Variants in AACS observed in about 807,000 individuals in gnomAD.
AACS encodes acetoacetate-CoA ligase.
AACS carries 69 observed loss-of-function variants against 83.1 expected under a neutral mutation model. The ratio of observed to expected loss-of-function variants is 0.83; its 90% CI spans 0.68 to 1.01. The LOEUF is 1.01. Ranked by LOEUF, AACS falls within the 50% of genes least tolerant of loss-of-function variation. The pLI is 0.00. For missense variants in AACS, 866 were observed against 882.2 expected, an observed-to-expected ratio of 0.98 and a Z score of 0.23; for synonymous variants, 333 against 343.4, an observed-to-expected ratio of 0.97 and a Z score of 0.33.
chr12:125,118,409 G>T (rs1270825982), intron 9 of AACS: 2 of 538,776 alleles, frequency 3.7e-6, no homozygotes, highest in Non-Finnish European at 3.3e-6. Flanking sequence ...ACCAGCAAGG[G>T]TGCAACAGAC....
rs750203376 is a variant in AACS, at chr12:125,118,764, G to A, written c.1120G>A (p.Gly374Ser). ...NVLWDLVDRI[G>S]ITVLVTGAKW... is the part of the protein sequence containing the mutation. ...GCTCTGGGACCTGGTTGACAGGATAGGGTAGGTACCAAGATGCTGTGCTCA... is the reference window on the plus strand; with the variant it reads ...GCTCTGGGACCTGGTTGACAGGATAAGGTAGGTACCAAGATGCTGTGCTCA... Residue 374 changes from glycine (G) to serine (S), a missense_variant and splice_region_variant, in exon 10 of 18, where the codon GGC becomes AGC. By Grantham distance (56) the Gly-to-Ser change is moderately conservative. Transcript: ENST00000316519. 1.2e-5 allele frequency: 20 copies of A among 1,613,880 alleles called. No individual in the cohort carries two copies. The highest frequency in any genetic ancestry group is 1.7e-5 in the Non-Finnish European group (20 of 1,179,928).
intron 1 of AACS, among the ~76,000 whole-genome samples, chr12:125,066,176 C>T (rs1050402790): frequency 2.0e-5 from 3 of 152,304 alleles, no homozygotes; most frequent in African/African-American, 7.2e-5. Context: ...CCCTCATCTC[C>T]AGCTGCCCCT....
At chr12:125,075,066 C>G (rs1955988220) in intron 2 of AACS, among the ~76,000 whole-genome samples, 1 of 150,048 alleles carries the variant, frequency 6.7e-6, no homozygotes, top group South Asian at 2.1e-4. Context: ...CCTTCAACTC[C>G]CTGGTTCAAG....
chr12:125,098,644 G>T (rs1314976098), intron 5 of AACS, among the ~76,000 whole-genome samples: 1 of 152,152 alleles, frequency 6.6e-6, no homozygotes, highest in Non-Finnish European at 1.5e-5. Flanking sequence ...TAGAGATGGG[G>T]TTTCACCATG....
chr12:125,101,762 CTTTTTTTTT>C (rs11407276), intron 5 of AACS: 3 of 104,184 alleles, frequency 2.9e-5, no homozygotes, highest in African/African-American at 1.2e-4. Context: ...CTTTGATCAA[CTTTTTTTTT>C]TTTTTTTTTT....
chr12:125,114,956 C>T (rs1181348120), intron 9 of AACS, among the ~76,000 whole-genome samples: 6 of 152,026 alleles, frequency 3.9e-5, no homozygotes, highest in East Asian at 1.9e-4. Flanking sequence ...GCCTGTGCTG[C>T]GCCGTGGTAG....
chr12:125,083,358 C>G (rs1222727538), intron 3 of AACS, among the ~76,000 whole-genome samples: 1 of 152,192 alleles, frequency 6.6e-6, no homozygotes, highest in East Asian at 1.9e-4. Flanking sequence ...GCTCAGAAGT[C>G]ATTGTCATTT....
At chr12:125,070,715 T>C (rs1955838773) in intron 1 of AACS, among the ~76,000 whole-genome samples, 1 of 152,174 alleles carries the variant, frequency 6.6e-6, no homozygotes, top group East Asian at 1.9e-4. Flanking sequence ...TCAACTAATG[T>C]AATCCTCTCA....
chr12:125,141,541 C>G (rs1318521072), intron 17 of AACS: 1 of 152,308 alleles, frequency 6.6e-6, no homozygotes, highest in African/African-American at 2.4e-5. Flanking sequence ...ACTAAAAATA[C>G]AAAAAATTAG....
chr12:125,128,712 T>C (rs1367556127), intron 13 of AACS: 1 of 156,852 alleles, frequency 6.4e-6, no homozygotes, highest in African/African-American at 2.4e-5. Flanking sequence ...TGCAGAGCAA[T>C]GTGGGAGGAG....
At chr12:125,134,960 T>G in intron 16 of AACS, 108 bp downstream of exon 16, 6 of 1,286,088 alleles carry the variant, frequency 4.7e-6, no homozygotes, top group African/African-American at 1.5e-5. Context: ...CCTTGTTCTC[T>G]GGTGTGACAG....
At chr12:125,093,145 G>A (rs1371764002) in intron 5 of AACS, among the ~76,000 whole-genome samples, 1 of 152,258 alleles carries the variant, frequency 6.6e-6, no homozygotes, top group African/African-American at 2.4e-5. Context: ...CTAGTCGGGA[G>A]ATGGGTGTGT....
intron 8 of AACS, 92 bp from the exon 9 acceptor site, chr12:125,114,385 G>T: frequency 1.0e-6 from 1 of 998,186 alleles, no homozygotes; most frequent in Non-Finnish European, 1.5e-6. Context: ...GCTTCTTCCT[G>T]GCAGCGTCTG....
At chr12:125,076,129 C>G (rs369591188) in intron 2 of AACS, among the ~76,000 whole-genome samples, 1 of 152,226 alleles carries the variant, frequency 6.6e-6, no homozygotes, top group South Asian at 2.1e-4. Flanking sequence ...AGGCAAGGGG[C>G]AGGTGGTCCT....
intron 3 of AACS, among the ~76,000 whole-genome samples, 181 bp downstream of exon 3, chr12:125,076,792 A>G (rs759470993): frequency 6.6e-6 from 1 of 152,238 alleles, no homozygotes; most frequent in African/African-American, 2.4e-5. Context: ...GTGTGTGGTC[A>G]TGCTTTATGG....
chr12:125,117,358 G>A (rs1957072606), intron 9 of AACS, among the ~76,000 whole-genome samples: 1 of 151,938 alleles, frequency 6.6e-6, no homozygotes, highest in Non-Finnish European at 1.5e-5. Flanking sequence ...AGGTTGCAGT[G>A]AGCCGAGATT....
intron 12 of AACS, 106 bp downstream of exon 12, chr12:125,125,130 G>T: frequency 6.6e-7 from 1 of 1,521,626 alleles, no homozygotes; most frequent in Non-Finnish European, 8.9e-7. Context: ...AGTCCGCTGG[G>T]CAGCCAATAC....
At chr12:125,132,058 G>A (rs931881089) in intron 14 of AACS, among the ~76,000 whole-genome samples, 5 of 152,140 alleles carry the variant, frequency 3.3e-5, no homozygotes, top group African/African-American at 1.2e-4. Flanking sequence ...CAGGAGACTC[G>A]AAGCTTAAGT....
chr12:125,080,230 G>C (rs754536237), intron 3 of AACS, among the ~76,000 whole-genome samples: 1 of 151,936 alleles, frequency 6.6e-6, no homozygotes, highest in African/African-American at 2.4e-5. Flanking sequence ...TCTTTTCCTC[G>C]TCTCTTTAAA....
Sources: allele counts gnomAD v4.1 joint callset (sites outside exome capture counted in the v4.1 genomes callset), GRCh38; gene constraint gnomAD v4.1.1; transcripts MANE v1.5; gene names NCBI Gene and HGNC (gene_info 2026-07-23, HGNC 2026-07-21).